SIN3A: variants seen among roughly 807,000 people sequenced by gnomAD.
SIN3A encodes paired amphipathic helix protein Sin3a.
A neutral mutation model predicts 146.1 loss-of-function variants in SIN3A; 14 were observed. The observed-to-expected ratio is 0.10, with a 90% CI of 0.06 to 0.15. The LOEUF is 0.15. Among genes scored for constraint, SIN3A ranks in the 10% least tolerant of loss-of-function variants. The pLI is 1.00. For synonymous variants in SIN3A, 572 were observed against 572.0 expected, an observed-to-expected ratio of 1.00 and a Z score of 0.00; for missense variants, 1,028 against 1,576.0, an observed-to-expected ratio of 0.65 and a Z score of 5.89.
At chr15:75,403,291 G>T (rs2073446570) in intron 9 of SIN3A, among the ~76,000 whole-genome samples, 1 of 151,658 alleles carries the variant, frequency 6.6e-6, no homozygotes, top group Non-Finnish European at 1.5e-5. Context: ...TTAGCTAGGC[G>T]TGGTGGTGGG....
intron 3 of SIN3A, 102 bp downstream of exon 3, chr15:75,422,545 G>A: frequency 7.9e-7 from 1 of 1,270,610 alleles, no homozygotes; most frequent in Non-Finnish European, 1.1e-6. Context: ...TCGACAGCTA[G>A]TATCTCAGGT....
rs187363513 is a variant in SIN3A at position 75,391,758 on chromosome 15, G to A, written c.2851+484C>T. 3.2e-3 allele frequency among the ~76,000 whole-genome samples: 493 copies of A among 152,236 alleles called. 6 individuals carry two copies. The highest frequency in any genetic ancestry group is 0.011 in the African/African-American group (460 of 41,520). On this transcript the variant is annotated intron_variant, in intron 15 of 20. Transcript: ENST00000394947. ...CTCCATGTCTCATATCACCTTTTGA[G>A]TTCCAGTCTCCTTTCCATAAACTAT... is the stretch of plus-strand genomic sequence containing the variant.
intron 1 of SIN3A, among the ~76,000 whole-genome samples, chr15:75,433,427 C>T (rs577051645): frequency 3.5e-4 from 53 of 152,216 alleles, no homozygotes; most frequent in African/African-American, 1.2e-3. Context: ...GTTAAAATAT[C>T]GTTTCTTTTA....
chr15:75,433,816 A>G (rs2074056005), intron 1 of SIN3A, among the ~76,000 whole-genome samples: 2 of 152,132 alleles, frequency 1.3e-5, no homozygotes, highest in Non-Finnish European at 2.9e-5. Context: ...CTCAAAAACA[A>G]CAACAACAAA....
chr15:75,410,481 T>C (rs1187200290), intron 6 of SIN3A, among the ~76,000 whole-genome samples, 195 bp from the exon 7 acceptor site: 1 of 152,018 alleles, frequency 6.6e-6, no homozygotes, highest in Admixed American at 6.6e-5. Flanking sequence ...ACAATTCCTT[T>C]CAAAACTAGG....
At chr15:75,372,609 C>T (rs1054820610) in intron 20 of SIN3A, among the ~76,000 whole-genome samples, 1 of 151,994 alleles carries the variant, frequency 6.6e-6, no homozygotes, top group Non-Finnish European at 1.5e-5. Context: ...TTCGCTTGAG[C>T]TCAGGAGTTT....
At chr15:75,441,875 C>T (rs1327950545) in intron 1 of SIN3A, among the ~76,000 whole-genome samples, 1 of 152,042 alleles carries the variant, frequency 6.6e-6, no homozygotes, top group Non-Finnish European at 1.5e-5. Context: ...AATCCCAGCA[C>T]TCTCAGAGGC....
At chr15:75,419,172 T>A (rs1001229976) in intron 3 of SIN3A, 6 of 152,214 alleles carry the variant, frequency 3.9e-5, no homozygotes, top group African/African-American at 1.2e-4. Flanking sequence ...ACTTGTTTGA[T>A]GGTTAGTTTT....
At chr15:75,397,818 T>C (rs1182307814) in intron 12 of SIN3A, among the ~76,000 whole-genome samples, 2 of 152,218 alleles carry the variant, frequency 1.3e-5, no homozygotes, top group Admixed American at 6.5e-5. Context: ...AGGAACACTC[T>C]GTCAAAAACA....
At chr15:75,402,226 T>C (rs2073425071) in intron 9 of SIN3A, among the ~76,000 whole-genome samples, 1 of 152,164 alleles carries the variant, frequency 6.6e-6, no homozygotes, top group Non-Finnish European at 1.5e-5. Context: ...CTGGGGAAAT[T>C]TGTGGCTGGG....
intron 11 of SIN3A, 77 bp downstream of exon 11, chr15:75,400,653 C>A (rs1169112236): frequency 2.0e-6 from 2 of 983,454 alleles, no homozygotes; most frequent in Non-Finnish European, 3.1e-6. Context: ...CATATAAATT[C>A]TCAATCCTTG....
chr15:75,417,216 C>T (rs1220729466), intron 3 of SIN3A, among the ~76,000 whole-genome samples: 1 of 152,084 alleles, frequency 6.6e-6, no homozygotes, highest in Non-Finnish European at 1.5e-5. Context: ...AGGACAGAGA[C>T]ACCCAAAAGA....
At chr15:75,417,229 T>C (rs1181735391) in intron 3 of SIN3A, among the ~76,000 whole-genome samples, 1 of 152,106 alleles carries the variant, frequency 6.6e-6, no homozygotes, top group Non-Finnish European at 1.5e-5. Context: ...CCAAAAGAAA[T>C]CCCCACTAGG....
chr15:75,383,107 G>A (rs573662556), intron 17 of SIN3A, among the ~76,000 whole-genome samples: 153 of 149,898 alleles, frequency 1.0e-3, no homozygotes, highest in Middle Eastern at 3.4e-3. Context: ...CCTCCATCTC[G>A]GGAAAAAAAA....
intron 1 of SIN3A, among the ~76,000 whole-genome samples, chr15:75,434,761 C>T (rs1332256255): frequency 6.6e-6 from 1 of 151,632 alleles, no homozygotes; most frequent in Non-Finnish European, 1.5e-5. Context: ...CCAGCCTGAT[C>T]AACATGGAGA....
At chr15:75,442,120 C>CAA (rs57418865) in intron 1 of SIN3A, among the ~76,000 whole-genome samples, 1,634 of 29,270 alleles carry the variant, frequency 0.056, 266 homozygotes, top group Middle Eastern at 0.12. Flanking sequence ...GACTCTGTCT[C>CAA]AAAAAAAAAA....
In SIN3A at chr15:75,370,694, A is replaced by G. The variant is rs1231847807; in HGVS notation, c.*1285T>C. On this transcript the variant is annotated 3_prime_UTR_variant, in exon 21 of 21. Transcript: ENST00000394947. ...ATAAGAAAAAATATATAGAAATACA[A>G]ACTACATAGCTTGACAACTTACCCA... 1 of 152,168 alleles carries G rather than the reference A, an allele frequency of 6.6e-6. No individual in the cohort carries two copies. The highest frequency in any genetic ancestry group is 1.5e-5 in the Non-Finnish European group (1 of 68,032). 9.4% of individuals were successfully genotyped at this position (152,168 alleles called of 1,614,324 possible).
chr15:75,407,228 C>G, intron 8 of SIN3A, 84 bp from the exon 9 acceptor site: 12 of 785,486 alleles, frequency 1.5e-5, no homozygotes, highest in Non-Finnish European at 2.6e-5. Context: ...ATGGTTTCAT[C>G]ACTGAAACCA....
intron 1 of SIN3A, among the ~76,000 whole-genome samples, chr15:75,445,359 C>T (rs930112471): frequency 1.8e-4 from 20 of 113,858 alleles, no homozygotes; most frequent in African/African-American, 6.5e-4. Context: ...CCAGCCTGGG[C>T]GACAGAGCGA....
Sources: allele counts gnomAD v4.1 joint callset (sites outside exome capture counted in the v4.1 genomes callset), GRCh38; gene constraint gnomAD v4.1.1; transcripts MANE v1.5; gene names NCBI Gene and HGNC (gene_info 2026-07-23, HGNC 2026-07-21).